MIPOL1: variants seen among roughly 807,000 people sequenced by gnomAD.
MIPOL1 encodes mirror-image polydactyly 1.
A neutral mutation model predicts 60.9 loss-of-function variants in MIPOL1; 57 were observed. The observed-to-expected ratio is 0.94, with a 90% CI of 0.76 to 1.17. MIPOL1 has a LOEUF of 1.17. MIPOL1 is among the 50% of genes most tolerant of loss of function. MIPOL1 has a pLI of 0.00. For synonymous variants in MIPOL1, 179 were observed against 168.8 expected (o/e 1.06, Z -0.47); for missense variants, 551 against 511.6 (o/e 1.08, Z -0.74).
chr14:37,426,594 T>TATATATATATATATATATATACAC (rs1447990257), intron 11 of MIPOL1, among the ~76,000 whole-genome samples: 1 of 125,434 alleles, frequency 8.0e-6, no homozygotes, highest in African/African-American at 3.0e-5. Flanking sequence ...TATATATATA[T>TATATATATATATATATATATACAC]ACACACACAC....
intron 11 of MIPOL1, among the ~76,000 whole-genome samples, chr14:37,432,881 A>G (rs1242022146): frequency 6.6e-6 from 1 of 152,198 alleles, no homozygotes; most frequent in Non-Finnish European, 1.5e-5. Context: ...TTAGGATTAT[A>G]GTATGACATG....
intron 10 of MIPOL1, among the ~76,000 whole-genome samples, chr14:37,412,244 A>G (rs1436383577): frequency 6.6e-6 from 1 of 152,168 alleles, no homozygotes; most frequent in Non-Finnish European, 1.5e-5. Flanking sequence ...TACTTCAACA[A>G]TATCTACCAA....
intron 10 of MIPOL1, among the ~76,000 whole-genome samples, chr14:37,382,803 G>A (rs1208521333): frequency 2.0e-5 from 3 of 151,938 alleles, no homozygotes; most frequent in Admixed American, 1.3e-4. Flanking sequence ...CCAAGGATTA[G>A]ATAGCATGGA....
intron 11 of MIPOL1, among the ~76,000 whole-genome samples, chr14:37,456,042 C>G (rs1180852452): frequency 6.6e-6 from 1 of 151,864 alleles, no homozygotes; most frequent in Admixed American, 6.6e-5. Context: ...GATGTGCTGA[C>G]AGCGTTATTG....
intron 1 of MIPOL1, among the ~76,000 whole-genome samples, chr14:37,229,466 G>A (rs927057816): frequency 6.6e-6 from 1 of 152,030 alleles, no homozygotes; most frequent in Non-Finnish European, 1.5e-5. Context: ...ATTCATTTTT[G>A]CCACTAAGAC....
At chr14:37,321,543 G>A (rs1296250773) in intron 9 of MIPOL1, among the ~76,000 whole-genome samples, 1 of 151,858 alleles carries the variant, frequency 6.6e-6, no homozygotes, top group Non-Finnish European at 1.5e-5. Context: ...CATGAAGTTT[G>A]TATATTCTGT....
chr14:37,276,697 G>A (rs995765210), intron 6 of MIPOL1: 4 of 150,988 alleles, frequency 2.6e-5, no homozygotes, highest in Non-Finnish European at 4.5e-5. Context: ...TATATAATGG[G>A]CATCAATAAA....
rs2094458359 is a variant in MIPOL1 at position 37,454,753 on chromosome 14, A to G, written c.1031+31804A>G. 2.6e-5 allele frequency among the ~76,000 whole-genome samples: 4 copies of G among 152,204 alleles called. No individual in the cohort carries two copies. The South Asian group carries it at 8.3e-4, about 31-fold the overall frequency. Reference sequence around the variant, plus strand: ...ATGTATAAATCCATGTGGTAAATAAAGTATTGTCAAAGTATTAACTAGGTA... The same window carrying G: ...ATGTATAAATCCATGTGGTAAATAAGGTATTGTCAAAGTATTAACTAGGTA... On this transcript the variant is annotated intron_variant, in intron 11 of 12. Coordinates refer to ENST00000684589, the MANE Select transcript of MIPOL1 (RefSeq NM_001388067.1).
At chr14:37,292,831 C>T (rs1369151386) in intron 7 of MIPOL1, among the ~76,000 whole-genome samples, 2 of 152,060 alleles carry the variant, frequency 1.3e-5, no homozygotes, top group African/African-American at 4.8e-5. Context: ...GCTGCCATTT[C>T]TTGGCAAGGC....
At chr14:37,202,241 T>TA (rs1473940487) in intron 1 of MIPOL1, among the ~76,000 whole-genome samples, 48 of 152,186 alleles carry the variant, frequency 3.2e-4, no homozygotes, top group Non-Finnish European at 1.2e-4. Context: ...CCTTCTTTGA[T>TA]ATGTATAATT....
chr14:37,469,854 C>A (rs1302247114), intron 11 of MIPOL1, among the ~76,000 whole-genome samples: 1 of 152,194 alleles, frequency 6.6e-6, no homozygotes, highest in Non-Finnish European at 1.5e-5. Flanking sequence ...ATGCCAGTGC[C>A]ATGCTCTTGG....
chr14:37,546,270 A>G (rs2095547145), intron 12 of MIPOL1, among the ~76,000 whole-genome samples: 1 of 152,146 alleles, frequency 6.6e-6, no homozygotes, highest in South Asian at 2.1e-4. Flanking sequence ...CATCTATGCT[A>G]CTCAGAAATA....
intron 11 of MIPOL1, among the ~76,000 whole-genome samples, chr14:37,439,954 G>GGTCA (rs1490494623): frequency 9.9e-5 from 15 of 151,994 alleles, no homozygotes; most frequent in Non-Finnish European, 1.5e-5. Context: ...CCCCTCCAAG[G>GGTCA]GTCAGTCTCC....
intron 9 of MIPOL1, among the ~76,000 whole-genome samples, chr14:37,340,185 A>G (rs939419618): frequency 4.6e-5 from 7 of 151,682 alleles, no homozygotes; most frequent in Admixed American, 4.6e-4. Flanking sequence ...GCTTTACTGT[A>G]TTGCTGCTGT....
At chr14:37,302,124 A>G (rs918477999) in intron 7 of MIPOL1, among the ~76,000 whole-genome samples, 2 of 147,410 alleles carry the variant, frequency 1.4e-5, no homozygotes, top group African/African-American at 5.0e-5. Context: ...CCCAGTAGCA[A>G]TACTGCTGAA....
chr14:37,277,369 A>T (rs1476980026), intron 6 of MIPOL1: 1 of 151,274 alleles, frequency 6.6e-6, no homozygotes. Flanking sequence ...TTTTTAAGTT[A>T]TATTTCAAAA....
At chr14:37,214,207 G>A (rs986554348) in intron 1 of MIPOL1, among the ~76,000 whole-genome samples, 11 of 152,216 alleles carry the variant, frequency 7.2e-5, no homozygotes, top group Middle Eastern at 6.8e-3. Context: ...GTGTGTAAAC[G>A]ACTCTCATTC....
intron 7 of MIPOL1, among the ~76,000 whole-genome samples, chr14:37,289,828 C>G (rs148189057): frequency 8.5e-5 from 13 of 152,242 alleles, no homozygotes; most frequent in African/African-American, 2.9e-4. Flanking sequence ...ATCATGCAAC[C>G]CTCTTCATGA....
chr14:37,502,670 A>G (rs1025049234), intron 12 of MIPOL1: 3 of 152,256 alleles, frequency 2.0e-5, no homozygotes, highest in Admixed American at 6.5e-5. Flanking sequence ...GGAAGAAACC[A>G]GAGCAGAAAA....
Sources: allele counts gnomAD v4.1 joint callset (sites outside exome capture counted in the v4.1 genomes callset), GRCh38; gene constraint gnomAD v4.1.1; transcripts MANE v1.5; gene names NCBI Gene and HGNC (gene_info 2026-07-23, HGNC 2026-07-21).